FBLN7: variants seen among roughly 807,000 people sequenced by gnomAD.
FBLN7 encodes fibulin-7.
FBLN7 carries 31 observed loss-of-function variants against 44.0 expected under a neutral mutation model. That is an observed-to-expected ratio of 0.70 (90% CI 0.53 to 0.95). FBLN7 has a LOEUF of 0.95. FBLN7 is among the 40% of genes least tolerant of loss of function. FBLN7 has a pLI of 0.00. For synonymous variants in FBLN7, 262 were observed against 253.4 expected (o/e 1.03, Z -0.32); for missense variants, 573 against 618.5 (o/e 0.93, Z 0.78).
intron 1 of FBLN7, among the ~76,000 whole-genome samples, chr2:112,157,999 G>A (rs1681525255): frequency 1.3e-5 from 2 of 151,464 alleles, no homozygotes; most frequent in African/African-American, 2.4e-5. Flanking sequence ...CGGGGTTCAC[G>A]CCATTCTCCT....
chr2:112,167,255 C>T (rs942120486), intron 3 of FBLN7, among the ~76,000 whole-genome samples: 2 of 152,110 alleles, frequency 1.3e-5, no homozygotes, highest in African/African-American at 4.8e-5. Context: ...GAAAGAATGC[C>T]TTTTTAGGGA....
chr2:112,221,838 C>T, the FBLN7 span, among the ~76,000 whole-genome samples: 2 of 152,040 alleles, frequency 1.3e-5, no homozygotes, highest in East Asian at 3.9e-4. Flanking sequence ...TTGTTCCTAT[C>T]CATATTCTGA....
chr2:112,236,212 C>T, the FBLN7 span, among the ~76,000 whole-genome samples: 14 of 152,034 alleles, frequency 9.2e-5, no homozygotes, highest in East Asian at 1.2e-3. Flanking sequence ...TGCAGTGAGC[C>T]GAGATCGCAC....
At chr2:112,225,735 T>C in the FBLN7 span, among the ~76,000 whole-genome samples, 1 of 152,114 alleles carries the variant, frequency 6.6e-6, no homozygotes, top group Non-Finnish European at 1.5e-5. Context: ...GAATATCACT[T>C]GAACCCAGGA....
intron 6 of FBLN7, among the ~76,000 whole-genome samples, 191 bp from the exon 7 acceptor site, chr2:112,185,010 G>A (rs1382526334): frequency 4.0e-5 from 6 of 151,834 alleles, no homozygotes; most frequent in Non-Finnish European, 8.8e-5. Flanking sequence ...ATCCCAGGGA[G>A]GGGCACTCCC....
chr2:112,160,194 G>T (rs1272152573), intron 2 of FBLN7, among the ~76,000 whole-genome samples: 2 of 152,040 alleles, frequency 1.3e-5, no homozygotes, highest in Admixed American at 6.5e-5. Context: ...GTTTCACCTT[G>T]TTAGCCAGGA....
At chr2:112,180,737 G>A (rs1037791956) in intron 4 of FBLN7, among the ~76,000 whole-genome samples, 2 of 151,946 alleles carry the variant, frequency 1.3e-5, no homozygotes, top group East Asian at 1.9e-4. Flanking sequence ...TGGCTAACAT[G>A]GTGAAACCCC....
chr2:112,160,798 A>T (rs1408723602), intron 2 of FBLN7, among the ~76,000 whole-genome samples: 28 of 127,368 alleles, frequency 2.2e-4, no homozygotes, highest in African/African-American at 7.8e-4. Context: ...ACACGCACAC[A>T]CGCACGCACA....
Position 112,165,152 on chromosome 2 carries a change from G to A in FBLN7, c.387G>A (p.Gly129=), listed in dbSNP as rs1357312077. The A allele has an allele frequency of 3.1e-6, 5 of 1,613,962 alleles. No individual in the cohort carries two copies. In the South Asian group the frequency reaches 5.5e-5, roughly 18 times the overall value. Residue 129 remains glycine (G), a synonymous_variant, in exon 3 of 8, where the codon GGG becomes GGA. Transcript: ENST00000331203. ...GTCTTCCCAATGGCACCTGGACAGG[G>A]GAGCAGCCCCACTGTAGAGGTATCG... ...VVCLPNGTWT[G]EQPHCRGISE...
At chr2:112,231,507 TTTCC>T in the FBLN7 span, among the ~76,000 whole-genome samples, 3 of 152,200 alleles carry the variant, frequency 2.0e-5, no homozygotes, top group Non-Finnish European at 4.4e-5. Context: ...AACTTGTAAC[TTTCC>T]TTCCAAGAAT....
Position 112,187,274 on chromosome 2 carries a change from C to G in FBLN7, c.1088C>G (p.Pro363Arg). ...TLFRMATASA[P>R]GRAGPNSLRF... ...TTCCGCATGGCCACAGCCTCTGCCC[C>G]CGGCCGAGCTGGGCCCAACAGCCTG... Residue 363 changes from proline (P) to arginine (R), a missense_variant, in exon 8 of 8, where the codon CCC becomes CGC. Physicochemically the swap from Pro to Arg is moderately radical, Grantham distance 103. Coordinates refer to ENST00000331203, the MANE Select transcript of FBLN7 (RefSeq NM_153214.3). This position sits in a 1 kb window ranked among gnomAD's most constrained non-coding sequence, Gnocchi z 5.1. 6 of 1,614,206 alleles carry G rather than the reference C, an allele frequency of 3.7e-6. No homozygotes were observed. Among genetic ancestry groups the G allele is most frequent in the Non-Finnish European group, 5.1e-6 (6 of 1,180,046 alleles).
chr2:112,236,527 G>A, the FBLN7 span: 1 of 1,603,762 alleles, frequency 6.2e-7, no homozygotes, highest in Non-Finnish European at 8.5e-7. Context: ...AAGCATGCAG[G>A]GGTCAGGTAT....
chr2:112,170,267 C>T (rs1558886548), intron 3 of FBLN7, among the ~76,000 whole-genome samples: 1 of 146,338 alleles, frequency 6.8e-6, no homozygotes, highest in South Asian at 2.2e-4. Flanking sequence ...AAAACAAAAA[C>T]AGAAAAGAAA....
At chr2:112,140,389 T>C (rs951214456) in intron 1 of FBLN7, among the ~76,000 whole-genome samples, 2 of 152,312 alleles carry the variant, frequency 1.3e-5, no homozygotes, top group Non-Finnish European at 2.9e-5. Context: ...GCACCAAGGC[T>C]GGGGGACCCG....
At chr2:112,192,640 C>A (rs1319397647), downstream of FBLN7, among the ~76,000 whole-genome samples, 1 of 152,224 alleles carries the variant, frequency 6.6e-6, no homozygotes, top group Non-Finnish European at 1.5e-5. Context: ...GAGTCACAGT[C>A]AACTTGATGG....
chr2:112,185,229 G>T lies in FBLN7; in HGVS notation c.837G>T (p.Pro279=), dbSNP rs760281749. ...EDVDECVGLQ[P]VCPQGTTCIN... ...TGGATGAATGTGTGGGCCTGCAGCCGGTGTGCCCCCAGGGGACCACATGCA... is the reference window on the plus strand; with the variant it reads ...TGGATGAATGTGTGGGCCTGCAGCCTGTGTGCCCCCAGGGGACCACATGCA... Residue 279 remains proline (P), a synonymous_variant, in exon 7 of 8, where the codon CCG becomes CCT. Coordinates refer to ENST00000331203, the MANE Select transcript of FBLN7 (RefSeq NM_153214.3). 1 of 1,613,734 alleles carries T rather than the reference G, an allele frequency of 6.2e-7. No individual in the cohort carries two copies. Among genetic ancestry groups the T allele is most frequent in the Non-Finnish European group, 8.5e-7 (1 of 1,179,722 alleles).
At chr2:112,221,439 A>T in the FBLN7 span, among the ~76,000 whole-genome samples, 11 of 152,192 alleles carry the variant, frequency 7.2e-5, no homozygotes, top group Non-Finnish European at 1.3e-4. Context: ...GCCTCCTCAG[A>T]AGCAGATGCC....
intron 2 of FBLN7, 107 bp from the exon 3 acceptor site, chr2:112,164,894 G>A: frequency 8.4e-7 from 1 of 1,194,244 alleles, no homozygotes; most frequent in African/African-American, 1.5e-5. Flanking sequence ...GCCTGCAGCA[G>A]GCATGCAACA....
At chr2:112,200,055 A>C in the FBLN7 span, among the ~76,000 whole-genome samples, 4 of 152,124 alleles carry the variant, frequency 2.6e-5, no homozygotes, top group South Asian at 8.3e-4. Flanking sequence ...AGACAAAGAC[A>C]CCCCCCATAT....
Sources: gnomAD v4.1 joint callset for allele counts (sites outside exome capture counted in the v4.1 genomes callset) on GRCh38, gnomAD v4.1.1 for gene constraint, Gnocchi (gnomAD v3.1) non-coding constraint, MANE v1.5 for transcripts, NCBI Gene and HGNC (gene_info 2026-07-23, HGNC 2026-07-21) for gene names.